Variants in TCF7L2 observed in about 807,000 individuals in gnomAD.
TCF7L2 encodes transcription factor 7-like 2.
A neutral mutation model predicts 77.9 loss-of-function variants in TCF7L2; 23 were observed. The observed-to-expected ratio is 0.30, with a 90% CI of 0.21 to 0.42. The LOEUF (loss-of-function observed/expected upper bound fraction) is 0.42. Among genes scored for constraint, TCF7L2 ranks in the 10% least tolerant of loss-of-function variants. The pLI is 1.00. For missense variants in TCF7L2, 654 were observed against 793.1 expected, an observed-to-expected ratio of 0.82 and a Z score of 2.11; for synonymous variants, 413 against 340.2, an observed-to-expected ratio of 1.21 and a Z score of -2.36.
chr10:113,048,571 A>G (rs1022029713), intron 5 of TCF7L2, among the ~76,000 whole-genome samples: 3 of 152,216 alleles, frequency 2.0e-5, no homozygotes, highest in Admixed American at 1.3e-4. Context: ...TCTACTTTCT[A>G]CCTGATGGGA....
At chr10:113,112,673 A>G (rs1469775048) in intron 5 of TCF7L2, among the ~76,000 whole-genome samples, 1 of 152,222 alleles carries the variant, frequency 6.6e-6, no homozygotes, top group Non-Finnish European at 1.5e-5. Flanking sequence ...CAAAAGTTCA[A>G]AGTCCACCAA....
At chr10:113,073,111 TGTG>T (rs1452830702) in intron 5 of TCF7L2, among the ~76,000 whole-genome samples, 1 of 138,882 alleles carries the variant, frequency 7.2e-6, no homozygotes, top group Admixed American at 7.2e-5. Flanking sequence ...TGTGTGTGTG[TGTG>T]TGTGTGTGTG....
intron 5 of TCF7L2, among the ~76,000 whole-genome samples, chr10:113,137,962 G>T (rs1385989541): frequency 6.6e-6 from 1 of 152,208 alleles, no homozygotes; most frequent in African/African-American, 2.4e-5. Flanking sequence ...AGGCCGGAGA[G>T]ACATAGGCAT....
intron 5 of TCF7L2, among the ~76,000 whole-genome samples, chr10:113,060,512 CCT>C (rs2056260844): frequency 1.3e-5 from 2 of 151,928 alleles, no homozygotes. Context: ...TGGAAGATTC[CCT>C]GATAAGTAGC....
At chr10:113,023,644 C>G (rs6585203) in intron 4 of TCF7L2, among the ~76,000 whole-genome samples, 81,134 of 151,614 alleles carry the variant, frequency 0.54, 24,293 homozygotes, top group African/African-American at 0.8. Flanking sequence ...GCTAATTTTT[C>G]TATTGTTTTA....
chr10:113,097,058 T>C (rs1246673366), intron 5 of TCF7L2, among the ~76,000 whole-genome samples: 1 of 151,624 alleles, frequency 6.6e-6, no homozygotes, highest in Non-Finnish European at 1.5e-5. Flanking sequence ...AAAAACAGAG[T>C]TGGGGGAGAT....
rs2061014313 is a variant in TCF7L2 at position 113,096,719 on chromosome 10, AC to A, written c.553-44464del. On this transcript the variant is annotated intron_variant, in intron 5 of 13. Transcript: ENST00000627217. ...ATTCTGGCCATGTCACAGCACACTT[AC>A]AGCCAGCTTCAGAGGCCAGTGCAGC... Among the ~76,000 whole-genome samples the A allele has an allele frequency of 2.0e-5, 3 of 152,048 alleles. 1 individual carries two copies. Among genetic ancestry groups the A allele is most frequent in the Non-Finnish European group, 4.4e-5 (3 of 68,010 alleles).
chr10:113,027,681 A>C (rs960474439), intron 4 of TCF7L2, among the ~76,000 whole-genome samples: 4 of 152,204 alleles, frequency 2.6e-5, no homozygotes, highest in African/African-American at 9.6e-5. Context: ...TATTAAAGGA[A>C]ACCGCAGGCA....
At chr10:113,144,100 CTGTGTGTGTGTGTGTG>C (rs3830991) in intron 7 of TCF7L2, 75 bp downstream of exon 7, 74 of 653,324 alleles carry the variant, frequency 1.1e-4, no homozygotes, top group Admixed American at 6.9e-4. Context: ...GTGTGTGTGT[CTGTGTGTGTGTGTGTG>C]TGTGTGTGTG....
chr10:113,160,782 A>G (rs2073039774), intron 13 of TCF7L2: 1 of 1,219,970 alleles, frequency 8.2e-7, no homozygotes, highest in Admixed American at 2.5e-5. Context: ...CTCGTTCCCC[A>G]TCTACTTCCC....
Position 113,062,542 on chromosome 10 carries a change from CT to C in TCF7L2, c.552+22428del, listed in dbSNP as rs533073826. 2.7e-3 allele frequency among the ~76,000 whole-genome samples: 396 copies of C among 147,284 alleles called. 2 individuals carry two copies. In the East Asian group the frequency reaches 0.05, roughly 18 times the overall value. On this transcript the variant is annotated intron_variant, in intron 5 of 13. Coordinates refer to ENST00000627217, the MANE Select transcript of TCF7L2 (RefSeq NM_001146274.2). ...GTGTGGTTCTTCTATGGCTACTGCA[CT>C]TTTTTTTTTTTCTTACTGTCTCCCC... is the stretch of plus-strand genomic sequence containing the variant.
chr10:113,046,511 T>G (rs2053490255), intron 5 of TCF7L2, among the ~76,000 whole-genome samples: 1 of 152,176 alleles, frequency 6.6e-6, no homozygotes, highest in Admixed American at 6.5e-5. Flanking sequence ...TTAATTCATG[T>G]TTTGCTGTTA....
chr10:113,001,175 G>T (rs2044406912), intron 4 of TCF7L2, among the ~76,000 whole-genome samples: 1 of 152,192 alleles, frequency 6.6e-6, no homozygotes, highest in South Asian at 2.1e-4. Flanking sequence ...GAGAACTCCG[G>T]GCTCTCCCGT....
At chr10:113,146,198 A>G in intron 8 of TCF7L2, 101 bp downstream of exon 8, 1 of 1,071,328 alleles carries the variant, frequency 9.3e-7, no homozygotes, top group Non-Finnish European at 1.4e-6. Context: ...AGCTACATGT[A>G]GTTCTATTAG....
intron 4 of TCF7L2, among the ~76,000 whole-genome samples, chr10:112,979,399 C>T (rs933261996): frequency 1.8e-4 from 27 of 152,116 alleles, no homozygotes; most frequent in African/African-American, 6.0e-4. Flanking sequence ...GAGTCAAATT[C>T]GTTAGGATTT....
chr10:113,122,961 T>G (rs1421932173), intron 5 of TCF7L2, among the ~76,000 whole-genome samples: 1 of 152,210 alleles, frequency 6.6e-6, no homozygotes, highest in Non-Finnish European at 1.5e-5. Context: ...TTTGCATTAT[T>G]AACATTATCA....
chr10:113,056,535 A>G (rs1370555644), intron 5 of TCF7L2, among the ~76,000 whole-genome samples: 1 of 152,156 alleles, frequency 6.6e-6, no homozygotes, highest in Non-Finnish European at 1.5e-5. Flanking sequence ...TGCATCATGC[A>G]AGTCTGATGC....
At chr10:113,109,270 C>G (rs547081336) in intron 5 of TCF7L2, among the ~76,000 whole-genome samples, 1 of 152,186 alleles carries the variant, frequency 6.6e-6, no homozygotes, top group African/African-American at 2.4e-5. Context: ...CTGCCACTTA[C>G]GGTGTTATCT....
chr10:113,050,966 T>A (rs1414380353), intron 5 of TCF7L2, among the ~76,000 whole-genome samples: 1 of 151,948 alleles, frequency 6.6e-6, no homozygotes, highest in African/African-American at 2.4e-5. Context: ...CAAAATGGAG[T>A]AAGGTTCTGA....
Sources: allele counts gnomAD v4.1 joint callset (sites outside exome capture counted in the v4.1 genomes callset), GRCh38; gene constraint gnomAD v4.1.1; transcripts MANE v1.5; gene names NCBI Gene and HGNC (gene_info 2026-07-23, HGNC 2026-07-21).